Variants in IGSF10 observed in about 807,000 individuals in gnomAD.
IGSF10 encodes the protein calvaria mechanical force protein 608.
Under a neutral mutation model 128.2 loss-of-function variants are expected in IGSF10, and 126 were observed. That is an observed-to-expected ratio of 0.98 (90% confidence interval 0.85 to 1.14). The LOEUF is 1.14. Ranked by LOEUF, IGSF10 falls within the 50% of genes most tolerant of loss-of-function variation. The probability of loss-of-function intolerance (pLI) is 0.00; values close to 1 mark genes in which losing one functional copy is unlikely to be tolerated. For missense variants in IGSF10, 3,295 were observed against 3,149.8 expected, an observed-to-expected ratio of 1.05 and a Z score of -1.10; for synonymous variants, 1,185 against 1,146.2, an observed-to-expected ratio of 1.03 and a Z score of -0.68.
Position 151,453,563 on chromosome 3 carries a change from A to T in IGSF10, c.536T>A (p.Leu179His), listed in dbSNP as rs1406512553. 1 of 1,613,822 alleles carries T rather than the reference A, an allele frequency of 6.2e-7. No individual in the cohort carries two copies. Among genetic ancestry groups the T allele is most frequent in the Non-Finnish European group, 8.5e-7 (1 of 1,179,820 alleles). ...HPDTFVSLSY[L>H]QIFKISFIKF... ...AATGAAAGAGATTTTAAATATCTGG[A>T]GGTAGCTCAAAGAGACAAATGTATC... Residue 179 changes from leucine (L) to histidine (H), a missense_variant, in exon 5 of 8, where the codon CTC (leucine) becomes CAC (histidine). Leu to His is a moderately conservative substitution (Grantham distance 99, BLOSUM62 -3). Coordinates refer to ENST00000282466, the MANE Select transcript of IGSF10 (RefSeq NM_178822.5).
At chr3:151,560,957 G>A in the IGSF10 span, among the ~76,000 whole-genome samples, 9 of 152,120 alleles carry the variant, frequency 5.9e-5, no homozygotes, top group African/African-American at 2.2e-4. Context: ...AAAGTTAAGA[G>A]TAACAAAGCT....
At chr3:151,558,027 A>ATATATATATAATATAATATATATATATAT in the IGSF10 span, among the ~76,000 whole-genome samples, 1 of 52,932 alleles carries the variant, frequency 1.9e-5, no homozygotes, top group Non-Finnish European at 3.4e-5. Context: ...TAATATATAT[A>ATATATATATAATATAATATATATATATAT]TTGGTACAAT....
chr3:151,545,599 C>T, the IGSF10 span, among the ~76,000 whole-genome samples: 1 of 152,214 alleles, frequency 6.6e-6, no homozygotes, highest in African/African-American at 2.4e-5. Context: ...TCAATTCAAG[C>T]TGCAATCCCT....
chr3:151,470,557 AG>A, the IGSF10 span, among the ~76,000 whole-genome samples: 1 of 152,234 alleles, frequency 6.6e-6, no homozygotes, highest in African/African-American at 2.4e-5. Context: ...GGCCAAATAA[AG>A]TTGACCTTAC....
rs1208436152 is a variant in IGSF10 at position 151,458,526 on chromosome 3, T to C, written c.184A>G (p.Ile62Val). Residue 62 changes from isoleucine (I) to valine (V), a missense_variant, in exon 3 of 8, where the codon ATC becomes GTC. By Grantham distance (29) the Ile-to-Val change is conservative. Coordinates refer to ENST00000282466, the MANE Select transcript of IGSF10 (RefSeq NM_178822.5). ...PDSIPPNVER[I>V]NLGYNSLVRL... ...TGAGGTCTCACACACCCTAAATTGA[T>C]GCGTTCCACATTGGGCGGGATGCTG... 6 of 1,612,860 alleles carry C rather than the reference T, an allele frequency of 3.7e-6. No homozygotes were observed. The African/African-American group carries it at 8.0e-5, about 22-fold the overall frequency.
chr3:151,526,993 T>G, the IGSF10 span, among the ~76,000 whole-genome samples: 289 of 151,384 alleles, frequency 1.9e-3, 1 homozygote, highest in Non-Finnish European at 3.4e-3. Flanking sequence ...AGAGTTCAGT[T>G]GCTGAATTTG....
the IGSF10 span, among the ~76,000 whole-genome samples, chr3:151,529,547 G>C: frequency 1.3e-5 from 2 of 152,124 alleles, no homozygotes; most frequent in African/African-American, 4.8e-5. Flanking sequence ...AGCCTCTGCC[G>C]GTGATACCTA....
At chr3:151,595,559 T>C in the IGSF10 span, among the ~76,000 whole-genome samples, 1 of 149,078 alleles carries the variant, frequency 6.7e-6, no homozygotes, top group African/African-American at 2.4e-5. Flanking sequence ...AAAAATGATC[T>C]ATATATTATA....
At chr3:151,438,840 A>C in intron 7 of IGSF10, among the ~76,000 whole-genome samples, 1 of 122,364 alleles carries the variant, frequency 8.2e-6, no homozygotes, top group African/African-American at 2.9e-5. Flanking sequence ...ATATATACAC[A>C]TACATTTTGA....
At chr3:151,440,398 T>A (rs1228434878) in intron 7 of IGSF10, among the ~76,000 whole-genome samples, 6 of 152,066 alleles carry the variant, frequency 3.9e-5, no homozygotes, top group Non-Finnish European at 8.8e-5. Context: ...TAGAGAAAAT[T>A]TTTTTTTCCC....
the IGSF10 span, among the ~76,000 whole-genome samples, chr3:151,559,832 A>G: frequency 1.1e-4 from 16 of 152,128 alleles, no homozygotes; most frequent in Non-Finnish European, 2.2e-4. Flanking sequence ...CTGGAGAAAA[A>G]GACTTTACAT....
rs780478577 is a variant in IGSF10, at chr3:151,458,516, C to A, written c.194G>T (p.Gly65Val). 1.2e-6 allele frequency: 2 copies of A among 1,610,926 alleles called. No homozygotes were observed. Among genetic ancestry groups the A allele is most frequent in the Admixed American group, 3.3e-5 (2 of 59,736 alleles). Residue 65 changes from glycine to valine, a missense_variant and splice_region_variant, in exon 3 of 8, where the codon GGA (glycine) becomes GTA (valine). Gly to Val is a moderately radical substitution (Grantham distance 109). Transcript: ENST00000282466. ...AGAGGAAACATGAGGTCTCACACAC[C>A]CTAAATTGATGCGTTCCACATTGGG... is the stretch of plus-strand genomic sequence containing the variant. ...IPPNVERINL[G>V]YNSLVRLMET...
chr3:151,461,072 C>T (rs1722036480), upstream of IGSF10: 1 of 985,308 alleles, frequency 1.0e-6, no homozygotes, highest in Non-Finnish European at 1.2e-6. Flanking sequence ...GAAGGCGGAG[C>T]GAGGGCGGGG....
At chr3:151,526,314 A>T in the IGSF10 span, among the ~76,000 whole-genome samples, 24 of 147,352 alleles carry the variant, frequency 1.6e-4, no homozygotes, top group African/African-American at 5.7e-4. Context: ...TCTTCTTGTC[A>T]TTTTTCTTGA....
upstream of IGSF10, among the ~76,000 whole-genome samples, chr3:151,463,529 T>TTTTTTTTG (rs1722147658): frequency 8.5e-5 from 5 of 58,646 alleles, 1 homozygote; most frequent in African/African-American, 1.7e-4. Context: ...TCTGGTTTTT[T>TTTTTTTTG]TTTTTTTTTT....
rs1721143642 is a variant in IGSF10, at chr3:151,445,675, T to C, written c.4306A>G (p.Ile1436Val). The C allele has an allele frequency of 6.2e-7, 1 of 1,614,218 alleles. No homozygotes were observed. The highest frequency in any genetic ancestry group is 8.5e-7 in the Non-Finnish European group (1 of 1,180,038). The change falls in exon 6 of 8, where the codon ATT becomes GTT. Residue 1436 changes from isoleucine (I) to valine (V), a missense_variant. Coordinates refer to ENST00000282466, the MANE Select transcript of IGSF10 (RefSeq NM_178822.5). ...QASTQTLKST[I>V]ASETTLSSKS... ...CTGGACAAAGTTGTTTCAGAAGCAA[T>C]TGTGCTCTTCAAAGTCTGAGTACTT... is the stretch of plus-strand genomic sequence containing the variant.
the IGSF10 span, among the ~76,000 whole-genome samples, chr3:151,591,393 A>AT: frequency 1.4e-5 from 2 of 143,190 alleles, no homozygotes; most frequent in African/African-American, 5.0e-5. Context: ...ATATATAAAA[A>AT]ATATATAAAT....
the IGSF10 span, among the ~76,000 whole-genome samples, chr3:151,542,468 C>T: frequency 1.3e-5 from 2 of 152,156 alleles, no homozygotes; most frequent in Admixed American, 6.5e-5. Context: ...CTCTTCCTCA[C>T]AGGCATCGAC....
At chr3:151,469,917 C>T in the IGSF10 span, among the ~76,000 whole-genome samples, 139 of 152,250 alleles carry the variant, frequency 9.1e-4, no homozygotes, top group South Asian at 0.011. Context: ...CAAGATTTCC[C>T]GTAGTCCCAA....
Sources: allele counts gnomAD v4.1 joint callset (sites outside exome capture counted in the v4.1 genomes callset), GRCh38; gene constraint gnomAD v4.1.1; transcripts MANE v1.5; gene names NCBI Gene and HGNC (gene_info 2026-07-23, HGNC 2026-07-21).